CPQ: variants seen among roughly 807,000 people sequenced by gnomAD.
CPQ encodes carboxypeptidase Q, also known as Ser-Met dipeptidase.
In CPQ, 37 loss-of-function variants were observed where a neutral mutation model predicts 45.7. That is an observed-to-expected ratio of 0.81 (90% confidence interval 0.62 to 1.07). The LOEUF is 1.07. CPQ is among the 50% of genes least tolerant of loss of function. CPQ has a pLI of 0.00. For missense variants in CPQ, 537 were observed against 572.9 expected, an observed-to-expected ratio of 0.94 and a Z score of 0.64; for synonymous variants, 186 against 205.8, an observed-to-expected ratio of 0.90 and a Z score of 0.82.
At chr8:97,124,225 CAAAAAAAAAAAAA>C (rs34933920) in intron 7 of CPQ, among the ~76,000 whole-genome samples, 2 of 42,562 alleles carry the variant, frequency 4.7e-5, no homozygotes, top group Admixed American at 3.6e-4. Flanking sequence ...GACTCCGTCT[CAAAAAAAAAAAAA>C]AAAAAAAAAA....
chr8:96,829,794 T>C (rs548404283), intron 2 of CPQ, among the ~76,000 whole-genome samples: 1 of 152,302 alleles, frequency 6.6e-6, no homozygotes, highest in Non-Finnish European at 1.5e-5. Flanking sequence ...CTGTTCTTTT[T>C]AAAGTTATTG....
intron 3 of CPQ, among the ~76,000 whole-genome samples, chr8:96,854,259 C>G (rs555679380): frequency 1.3e-5 from 2 of 151,866 alleles, no homozygotes; most frequent in East Asian, 3.9e-4. Context: ...GGGCCGGGCG[C>G]GGTGGCTCAC....
intron 1 of CPQ, among the ~76,000 whole-genome samples, chr8:96,730,887 A>ATATATATATATATATATATATATATATG (rs1809904787): frequency 8.3e-6 from 1 of 120,130 alleles, no homozygotes; most frequent in South Asian, 2.8e-4. Context: ...ATATATATAT[A>ATATATATATATATATATATATATATATG]TATATGCATT....
intron 1 of CPQ, among the ~76,000 whole-genome samples, chr8:96,719,676 C>A (rs1036608558): frequency 6.6e-6 from 1 of 152,238 alleles, no homozygotes; most frequent in East Asian, 1.9e-4. Context: ...TGTCAGCTGG[C>A]AGACTTCTGT....
At chr8:96,867,833 G>A (rs893217051) in intron 3 of CPQ, among the ~76,000 whole-genome samples, 2 of 151,990 alleles carry the variant, frequency 1.3e-5, no homozygotes, top group Non-Finnish European at 2.9e-5. Context: ...GGTCTTTAGT[G>A]TGTTTTTATG....
chr8:96,778,936 G>T lies in CPQ; in HGVS notation c.-34-5928G>T, dbSNP rs369030834. On this transcript the variant is annotated intron_variant, in intron 1 of 7. Transcript: ENST00000220763. ...AAAAATTAGCTGAGCATGGTGACAG[G>T]CACCTGTAATCTCAGCTTCTCGGGA... Among the ~76,000 whole-genome samples the T allele has an allele frequency of 2.3e-3, 347 of 151,764 alleles. 4 individuals are homozygous for T. The highest frequency in any genetic ancestry group is 8.2e-3 in the African/African-American group (339 of 41,414).
intron 4 of CPQ, among the ~76,000 whole-genome samples, chr8:96,903,294 A>C (rs1243232207): frequency 6.6e-6 from 1 of 152,234 alleles, no homozygotes; most frequent in East Asian, 1.9e-4. Context: ...AGTGGAAACA[A>C]ATAGAGTAGT....
chr8:96,664,490 T>C (rs907768401), intron 1 of CPQ, among the ~76,000 whole-genome samples: 5 of 152,218 alleles, frequency 3.3e-5, no homozygotes, highest in Non-Finnish European at 7.3e-5. Flanking sequence ...GTGGAGAATT[T>C]GATACGTGTC....
At chr8:96,678,271 G>A (rs766627926) in intron 1 of CPQ, among the ~76,000 whole-genome samples, 10 of 151,940 alleles carry the variant, frequency 6.6e-5, no homozygotes, top group African/African-American at 9.7e-5. Context: ...CAGTATGGTC[G>A]TTTTCACAAT....
intron 3 of CPQ, among the ~76,000 whole-genome samples, chr8:96,878,526 C>T (rs1161883646): frequency 1.3e-5 from 2 of 152,084 alleles, no homozygotes; most frequent in African/African-American, 2.4e-5. Flanking sequence ...GGGTAACTTG[C>T]CCTGGGCCAG....
At chr8:97,095,015 T>C (rs1811187352) in intron 7 of CPQ, among the ~76,000 whole-genome samples, 2 of 152,168 alleles carry the variant, frequency 1.3e-5, no homozygotes, top group African/African-American at 4.8e-5. Context: ...ATCTTGAAAC[T>C]CTGTATGTCC....
chr8:96,971,570 C>G (rs1004337381), intron 5 of CPQ, among the ~76,000 whole-genome samples: 2 of 152,046 alleles, frequency 1.3e-5, no homozygotes, highest in African/African-American at 4.8e-5. Context: ...TATTTGGGAA[C>G]AAAGGAAGGG....
intron 7 of CPQ, among the ~76,000 whole-genome samples, chr8:97,102,518 T>G (rs1054178552): frequency 2.0e-5 from 3 of 152,198 alleles, no homozygotes; most frequent in Non-Finnish European, 2.9e-5. Flanking sequence ...CTTCTTTTAC[T>G]CGCAGTTTCA....
chr8:96,827,861 G>A (rs146630290), intron 2 of CPQ, among the ~76,000 whole-genome samples: 28 of 152,020 alleles, frequency 1.8e-4, no homozygotes, highest in African/African-American at 6.0e-4. Context: ...AGCATATATC[G>A]AATAATGCAT....
intron 5 of CPQ, among the ~76,000 whole-genome samples, chr8:96,967,492 A>G (rs2130365582): frequency 6.6e-6 from 1 of 152,332 alleles, no homozygotes; most frequent in Non-Finnish European, 1.5e-5. Context: ...TTCGGTATTC[A>G]GCATGGGACC....
At chr8:96,964,751 T>C (rs1813526658) in intron 4 of CPQ, among the ~76,000 whole-genome samples, 1 of 152,202 alleles carries the variant, frequency 6.6e-6, no homozygotes, top group South Asian at 2.1e-4. Flanking sequence ...GCTTATAATT[T>C]TTGTGTCCAG....
At chr8:96,694,251 G>A (rs551896703) in intron 1 of CPQ, among the ~76,000 whole-genome samples, 17 of 151,996 alleles carry the variant, frequency 1.1e-4, no homozygotes, top group African/African-American at 3.6e-4. Context: ...TAAAATGGCA[G>A]GCATAAGACC....
intron 1 of CPQ, among the ~76,000 whole-genome samples, chr8:96,771,959 G>A (rs1810549113): frequency 6.6e-6 from 1 of 152,036 alleles, no homozygotes; most frequent in African/African-American, 2.4e-5. Context: ...TACCCACAAT[G>A]AGTTCACAGT....
At chr8:96,909,584 T>C (rs947094716) in intron 4 of CPQ, among the ~76,000 whole-genome samples, 56 of 152,300 alleles carry the variant, frequency 3.7e-4, no homozygotes, top group African/African-American at 1.3e-3. Flanking sequence ...TGGGGATGTG[T>C]GGGCAGCTCT....
Sources: allele counts gnomAD v4.1 joint callset (sites outside exome capture counted in the v4.1 genomes callset), GRCh38; gene constraint gnomAD v4.1.1; transcripts MANE v1.5; gene names NCBI Gene and HGNC (gene_info 2026-07-23, HGNC 2026-07-21).